The following IL1RAP variants were observed in gnomAD, a reference collection of about 807,000 sequenced individuals.
IL1RAP encodes interleukin-1 receptor accessory protein.
In IL1RAP, 35 loss-of-function variants were observed where a neutral mutation model predicts 60.7. That is an observed-to-expected ratio of 0.58 (90% CI 0.44 to 0.76). IL1RAP has a LOEUF of 0.76. IL1RAP is among the 30% of genes least tolerant of loss of function. The pLI is 0.00. For missense variants in IL1RAP, 572 were observed against 693.9 expected, an observed-to-expected ratio of 0.82 and a Z score of 1.97; for synonymous variants, 268 against 250.9, an observed-to-expected ratio of 1.07 and a Z score of -0.64.
intron 3 of IL1RAP, among the ~76,000 whole-genome samples, chr3:190,571,033 G>A (rs1726876835): frequency 6.6e-6 from 1 of 152,044 alleles, no homozygotes; most frequent in Non-Finnish European, 1.5e-5. Context: ...TGCCAATTAC[G>A]TTTCCTCAGT....
rs760522267 is a variant in IL1RAP at position 190,648,721 on chromosome 3, G to A, written c.*16G>A. ...AAATGTATGAAAGGAATAATGAAAA[G>A]GGTAAAAAGAACAAGGGGTGCTCCA... is the stretch of plus-strand genomic sequence containing the variant. On this transcript the variant is annotated 3_prime_UTR_variant, in exon 12 of 12. Transcript: ENST00000447382. The A allele has an allele frequency of 5.7e-6, 9 of 1,592,236 alleles. No individual in the cohort carries two copies.
intron 3 of IL1RAP, among the ~76,000 whole-genome samples, chr3:190,599,702 T>G (rs1201791108): frequency 2.0e-5 from 2 of 100,826 alleles, no homozygotes; most frequent in South Asian, 3.6e-4. Context: ...GTATTTTGGG[T>G]TTTTTTTTTT....
chr3:190,607,393 C>A (rs1730426439), intron 4 of IL1RAP, among the ~76,000 whole-genome samples: 1 of 152,020 alleles, frequency 6.6e-6, no homozygotes, highest in Non-Finnish European at 1.5e-5. Context: ...ATTTATTTAG[C>A]AGTTACTGAA....
intron 4 of IL1RAP, among the ~76,000 whole-genome samples, chr3:190,605,584 C>T (rs1730254408): frequency 1.3e-5 from 2 of 152,076 alleles, no homozygotes; most frequent in Non-Finnish European, 2.9e-5. Flanking sequence ...GTGTGGGTGA[C>T]TTTAACAAAC....
In IL1RAP at chr3:190,648,945, A is replaced by G. The variant is rs890409732; in HGVS notation, c.*240A>G. 1.6e-5 allele frequency: 21 copies of G among 1,274,612 alleles called. No homozygotes were observed. The Admixed American group carries it at 6.4e-4, about 39-fold the overall frequency. The allele number at this position is 1,274,612 out of a possible 1,614,324, so 79.0% of individuals were successfully genotyped here. A position where few individuals can be genotyped will look rare whatever the true frequency, so the allele number is the denominator to read the frequency against. Reference sequence around the variant, plus strand: ...TGATGCCACTATGTTCTTTGCAGGCAAAGACTTGTTCAATGCGAATTTCCC... The same window carrying G: ...TGATGCCACTATGTTCTTTGCAGGCGAAGACTTGTTCAATGCGAATTTCCC... On this transcript the variant is annotated 3_prime_UTR_variant, in exon 12 of 12. Coordinates refer to ENST00000447382, the MANE Select transcript of IL1RAP (RefSeq NM_002182.4).
chr3:190,592,837 C>G (rs1265013566), intron 3 of IL1RAP, among the ~76,000 whole-genome samples: 2 of 152,144 alleles, frequency 1.3e-5, no homozygotes, highest in Non-Finnish European at 2.9e-5. Context: ...TTTCTTACCT[C>G]TTTCTTTTCT....
At chr3:190,628,481 C>A (rs919379633) in intron 8 of IL1RAP, among the ~76,000 whole-genome samples, 2 of 152,174 alleles carry the variant, frequency 1.3e-5, no homozygotes, top group African/African-American at 4.8e-5. Context: ...TCATACCTGA[C>A]AGTAAGCCTA....
chr3:190,565,201 A>G (rs1726278581), intron 3 of IL1RAP, among the ~76,000 whole-genome samples: 1 of 152,048 alleles, frequency 6.6e-6, no homozygotes, highest in South Asian at 2.1e-4. Context: ...CAAACAAACA[A>G]AACAACCAAA....
chr3:190,623,486 T>A, intron 7 of IL1RAP, 71 bp downstream of exon 7: 1 of 1,153,398 alleles, frequency 8.7e-7, no homozygotes, highest in Non-Finnish European at 1.3e-6. Flanking sequence ...TCATTTAAGT[T>A]AATGCAAGAA....
At chr3:190,614,306 T>C (rs1731074948) in intron 5 of IL1RAP, among the ~76,000 whole-genome samples, 1 of 151,836 alleles carries the variant, frequency 6.6e-6, no homozygotes, top group Admixed American at 6.6e-5. Flanking sequence ...GCTTTCCCGT[T>C]ATCTGAAAGA....
intron 5 of IL1RAP, among the ~76,000 whole-genome samples, chr3:190,618,732 T>C (rs922260965): frequency 1.3e-5 from 2 of 152,252 alleles, no homozygotes; most frequent in African/African-American, 2.4e-5. Context: ...TCCTTTGTGA[T>C]ATCCTAAGGA....
In IL1RAP at chr3:190,651,514, A is replaced by T. The variant is rs1441503415; in HGVS notation, c.*2809A>T. On this transcript the variant is annotated 3_prime_UTR_variant, in exon 12 of 12. Transcript: ENST00000447382. ...ATAAACCATTTATTTTCAGCTTTGA[A>T]TTTTATTTTGTGCATGTGTTTTATG... is the stretch of plus-strand genomic sequence containing the variant. 2.3e-6 allele frequency: 1 copy of T among 432,442 alleles called. No individual in the cohort carries two copies. The highest frequency in any genetic ancestry group is 3.1e-6 in the Non-Finnish European group (1 of 325,270). The allele number at this position is 432,442 out of a possible 1,614,324, so 26.8% of individuals were successfully genotyped here.
At position 190,576,048 on chromosome 3, in the gene IL1RAP, T is replaced by C. The variant is rs141211213; in HGVS notation, c.64+11695T>C. On this transcript the variant is annotated intron_variant, in intron 3 of 11. Transcript: ENST00000447382. ...GAGATATATTTAAATGCGAGGACAT[T>C]TGGATAATTTTTAGAAAAAAAAAAT... Among the ~76,000 whole-genome samples the C allele has an allele frequency of 2.9e-3, 345 of 120,564 alleles. 1 individual carries two copies. The highest frequency in any genetic ancestry group is 7.8e-3 in the Middle Eastern group (2 of 258). The allele number at this position is 120,564 out of a possible 152,430, so 79.1% of individuals were successfully genotyped here.
chr3:190,530,326 C>T (rs1368400226), intron 1 of IL1RAP, among the ~76,000 whole-genome samples: 1 of 152,030 alleles, frequency 6.6e-6, no homozygotes, highest in Non-Finnish European at 1.5e-5. Context: ...AAGGGAGGGG[C>T]ATTATCAGAT....
chr3:190,643,360 A>AT (rs1379891264), intron 9 of IL1RAP, among the ~76,000 whole-genome samples: 1 of 152,174 alleles, frequency 6.6e-6, no homozygotes, highest in African/African-American at 2.4e-5. Context: ...AATCTTCCTG[A>AT]TGTTTTTGAT....
intron 3 of IL1RAP, among the ~76,000 whole-genome samples, chr3:190,574,549 G>C (rs1299105304): frequency 1.3e-5 from 2 of 152,138 alleles, no homozygotes; most frequent in African/African-American, 4.8e-5. Context: ...ACTGACTGCA[G>C]GCTCTGTCCC....
intron 1 of IL1RAP, among the ~76,000 whole-genome samples, chr3:190,522,423 C>CTATG (rs1244804799): frequency 0.045 from 2,779 of 62,266 alleles, 68 homozygotes; most frequent in African/African-American, 0.12. Flanking sequence ...ATCTATGTAT[C>CTATG]TATCTATCTA....
chr3:190,564,268 C>T lies in IL1RAP; in HGVS notation c.-1-21C>T, dbSNP rs1181305074. 6.5e-6 allele frequency: 10 copies of T among 1,544,434 alleles called. No individual in the cohort carries two copies. The South Asian group carries it at 8.9e-5, about 14-fold the overall frequency. On this transcript the variant is annotated intron_variant, in intron 2 of 11. Coordinates refer to ENST00000447382, the MANE Select transcript of IL1RAP (RefSeq NM_002182.4). ...TGAAAGTAGTAAGTGATTTCCCTTA[C>T]CTTTGTATTTATGGTTACAGGATGA... is the stretch of plus-strand genomic sequence containing the variant.
intron 7 of IL1RAP, among the ~76,000 whole-genome samples, chr3:190,623,829 A>C (rs1406423906): frequency 6.6e-6 from 1 of 152,228 alleles, no homozygotes; most frequent in Admixed American, 6.5e-5. Context: ...CTAACAACTG[A>C]TAAAACTAGT....
Sources: gnomAD v4.1 joint callset for allele counts (sites outside exome capture counted in the v4.1 genomes callset) on GRCh38, gnomAD v4.1.1 for gene constraint, MANE v1.5 for transcripts, NCBI Gene and HGNC (gene_info 2026-07-23, HGNC 2026-07-21) for gene names.